MYO19: variants seen among roughly 807,000 people sequenced by gnomAD.
MYO19 encodes unconventional myosin-XIX.
A neutral mutation model predicts 129.2 loss-of-function variants in MYO19; 132 were observed. The observed-to-expected ratio is 1.02, with a 90% confidence interval of 0.89 to 1.18. MYO19 has a LOEUF of 1.18. MYO19 is among the 50% of genes most tolerant of loss of function. The pLI is 0.00. For missense variants in MYO19, 1,210 were observed against 1,216.7 expected (o/e 0.99, Z 0.08); for synonymous variants, 531 against 477.2 (o/e 1.11, Z -1.47).
intron 25 of MYO19, chr17:36,497,886 T>C (rs1299191629): frequency 9.5e-6 from 2 of 210,156 alleles, no homozygotes; most frequent in East Asian, 2.2e-4. Flanking sequence ...CTCCAGGCCC[T>C]AAGCTAAACT....
At chr17:36,538,579 T>A (rs144246473), upstream of MYO19, 1 of 1,612,926 alleles carries the variant, frequency 6.2e-7, no homozygotes, top group East Asian at 2.2e-5. Flanking sequence ...ATTGTATATG[T>A]ACTATATTTG....
At chr17:36,530,054 TAAA>T (rs988609281) in intron 3 of MYO19, among the ~76,000 whole-genome samples, 2 of 152,046 alleles carry the variant, frequency 1.3e-5, no homozygotes, top group African/African-American at 4.8e-5. Flanking sequence ...GTCTCTAAAG[TAAA>T]AAATAAAAAT....
At chr17:36,532,390 G>A in intron 3 of MYO19, 137 bp downstream of exon 3, 1 of 999,236 alleles carries the variant, frequency 1.0e-6, no homozygotes. Context: ...TCTTGATGAT[G>A]AGTAAAAGGC....
chr17:36,503,060 T>C, intron 21 of MYO19, 37 bp downstream of exon 21: 2 of 1,533,692 alleles, frequency 1.3e-6, no homozygotes, highest in Non-Finnish European at 1.8e-6. Flanking sequence ...CAGTAAACTG[T>C]GGTTGCACAA....
At chr17:36,515,020 C>T in intron 8 of MYO19, 93 bp downstream of exon 8, 2 of 1,169,902 alleles carry the variant, frequency 1.7e-6, no homozygotes, top group Non-Finnish European at 2.4e-6. Flanking sequence ...AGGGTTTTTG[C>T]CCATAGGGGT....
intron 11 of MYO19, among the ~76,000 whole-genome samples, chr17:36,511,898 G>A (rs2142039507): frequency 6.6e-6 from 1 of 152,276 alleles, no homozygotes; most frequent in South Asian, 2.1e-4. Context: ...CTTTCCCACT[G>A]TCAGGCTTCT....
rs761777875 is a variant in MYO19, at chr17:36,501,182, G to C, written c.2134C>G (p.Leu712Val). The C allele has an allele frequency of 1.4e-5, 22 of 1,613,918 alleles. No individual in the cohort carries two copies. Among genetic ancestry groups the C allele is most frequent in the Middle Eastern group, 1.6e-4 (1 of 6,084 alleles). ...TGAGTTAGGACCGGCAGAGTGTGGA[G>C]AATGTCCTGGATGAGAGGTTCAAGC... ...ATLEPLIQDI[L>V]HTLPVLTQAA... The change falls in exon 22 of 26, where the codon CTC becomes GTC. Residue 712 changes from leucine to valine, a missense_variant. Physicochemically the swap from Leu to Val is conservative, Grantham distance 32 (BLOSUM62 1). Transcript: ENST00000614623.
At chr17:36,539,563 C>T (rs1358098169), upstream of MYO19, among the ~76,000 whole-genome samples, 3 of 151,478 alleles carry the variant, frequency 2.0e-5, no homozygotes, top group South Asian at 6.3e-4. Flanking sequence ...TGCTTGGGCC[C>T]AGGAGTTCAA....
Position 36,532,525 on chromosome 17 carries a change from A to T in MYO19, c.12+2T>A, listed in dbSNP as rs997660121. 6 of 1,554,672 alleles carry T rather than the reference A, an allele frequency of 3.9e-6. No homozygotes were observed. The African/African-American group carries it at 8.2e-5, about 21-fold the overall frequency. On this transcript the variant is annotated splice_donor_variant, in intron 3 of 25. Transcript: ENST00000614623. LOFTEE classifies it high-confidence loss of function. ...CTGGGTTATCTAAGGTTGAGGTTTT[A>T]CCTGCTGGAGCATCCTCCTTCAAAG... is the stretch of plus-strand genomic sequence containing the variant.
chr17:36,533,004 C>A (rs1393244167), intron 2 of MYO19, among the ~76,000 whole-genome samples: 1 of 152,128 alleles, frequency 6.6e-6, no homozygotes, highest in African/African-American at 2.4e-5. Context: ...CTACATTAGA[C>A]AGAAATATCC....
chr17:36,499,202 G>A, intron 23 of MYO19, 42 bp from the exon 24 acceptor site: 2 of 1,476,790 alleles, frequency 1.4e-6, no homozygotes, highest in Non-Finnish European at 1.9e-6. Flanking sequence ...TAATAAAGGG[G>A]CCATTAGAGC....
intron 11 of MYO19, among the ~76,000 whole-genome samples, chr17:36,511,656 T>C (rs2072336094): frequency 1.3e-5 from 2 of 152,186 alleles, no homozygotes; most frequent in African/African-American, 4.8e-5. Context: ...CTGTAAGGTA[T>C]GTGCTACGCC....
intron 9 of MYO19, among the ~76,000 whole-genome samples, chr17:36,513,948 G>A (rs546962784): frequency 6.6e-6 from 1 of 152,326 alleles, no homozygotes; most frequent in East Asian, 1.9e-4. Flanking sequence ...AGGGAAACCT[G>A]CAGTCTGGTG....
At chr17:36,502,128 C>T (rs886835671) in intron 21 of MYO19, among the ~76,000 whole-genome samples, 4 of 152,204 alleles carry the variant, frequency 2.6e-5, no homozygotes, top group African/African-American at 9.6e-5. Context: ...GGCAGAGGTG[C>T]TGGGCTGGGG....
At chr17:36,496,594 C>T (rs1380752778) in intron 25 of MYO19, among the ~76,000 whole-genome samples, 188 bp from the exon 26 acceptor site, 1 of 152,112 alleles carries the variant, frequency 6.6e-6, no homozygotes, top group African/African-American at 2.4e-5. Context: ...TAGGAGGAGG[C>T]GCTCCCTAAG....
intron 14 of MYO19, 40 bp downstream of exon 14, chr17:36,509,022 C>A (rs1165708132): frequency 6.3e-7 from 1 of 1,589,246 alleles, no homozygotes; most frequent in Non-Finnish European, 8.6e-7. Context: ...CTTTATTGCT[C>A]TTTTTCTGGA....
intron 13 of MYO19, among the ~76,000 whole-genome samples, chr17:36,510,385 T>C (rs977367740): frequency 3.9e-5 from 6 of 152,246 alleles, no homozygotes; most frequent in Non-Finnish European, 8.8e-5. Flanking sequence ...GCCAAGGATC[T>C]GAAGCAGGAA....
chr17:36,512,925 C>CAG, intron 11 of MYO19: 1 of 895,950 alleles, frequency 1.1e-6, no homozygotes, highest in Non-Finnish European at 1.5e-6. Flanking sequence ...TGGGGGAAGA[C>CAG]AGAGAGGGTA....
chr17:36,515,733 GAAGGATACA>G, intron 7 of MYO19, 116 bp downstream of exon 7: 4 of 1,026,420 alleles, frequency 3.9e-6, no homozygotes, highest in East Asian at 2.6e-5. Flanking sequence ...CTGAGGCAGT[GAAGGATACA>G]CTCATCCTCC....
Sources: gnomAD v4.1 joint callset for allele counts (sites outside exome capture counted in the v4.1 genomes callset) on GRCh38, gnomAD v4.1.1 for gene constraint, MANE v1.5 for transcripts, NCBI Gene and HGNC (gene_info 2026-07-23, HGNC 2026-07-21) for gene names.